Variants in WWOX observed in about 807,000 individuals in gnomAD.
WWOX encodes the protein WW domain-containing oxidoreductase.
Under a neutral mutation model 46.2 loss-of-function variants are expected in WWOX, and 69 were observed. The ratio of observed to expected loss-of-function variants is 1.49; its 90% confidence interval spans 1.23 to 1.82. WWOX has a LOEUF of 1.82. WWOX is among the 40% of genes most tolerant of loss of function. WWOX has a pLI of 0.00. For synonymous variants in WWOX, 359 were observed against 202.6 expected (o/e 1.77, Z -6.56); for missense variants, 919 against 542.6 (o/e 1.69, Z -6.89).
chr16:78,600,022 C>A (rs2045583702), intron 8 of WWOX, among the ~76,000 whole-genome samples: 2 of 152,040 alleles, frequency 1.3e-5, no homozygotes. Flanking sequence ...GCTGGGGAGG[C>A]CTCACAACCA....
intron 5 of WWOX, among the ~76,000 whole-genome samples, chr16:78,251,668 A>T (rs28480650): frequency 0.11 from 17,063 of 152,206 alleles, 1,009 homozygotes; most frequent in Middle Eastern, 0.16. Flanking sequence ...CTGAACCCCG[A>T]TGCTTTGGGA....
At chr16:78,797,946 C>T (rs1005897751) in intron 8 of WWOX, among the ~76,000 whole-genome samples, 2 of 152,196 alleles carry the variant, frequency 1.3e-5, no homozygotes, top group African/African-American at 4.8e-5. Context: ...CATGGTCACA[C>T]CACTGCCCTC....
chr16:78,578,558 G>C (rs538882574), intron 8 of WWOX, among the ~76,000 whole-genome samples: 12 of 151,800 alleles, frequency 7.9e-5, no homozygotes, highest in Non-Finnish European at 1.3e-4. Context: ...AAAGTGCTGG[G>C]ATTACAGGCG....
intron 8 of WWOX, among the ~76,000 whole-genome samples, chr16:78,449,500 A>G (rs2083640717): frequency 6.6e-6 from 1 of 152,210 alleles, no homozygotes; most frequent in Non-Finnish European, 1.5e-5. Flanking sequence ...ACATTGTGGT[A>G]GATTTACTCA....
chr16:78,229,554 G>C (rs1208093484), intron 5 of WWOX, among the ~76,000 whole-genome samples: 1 of 149,680 alleles, frequency 6.7e-6, no homozygotes, highest in East Asian at 2.0e-4. Context: ...GAAATGGACT[G>C]TTTGCAACCT....
chr16:78,134,062 T>G (rs928447516), intron 4 of WWOX, among the ~76,000 whole-genome samples: 3 of 152,224 alleles, frequency 2.0e-5, no homozygotes, highest in Non-Finnish European at 2.9e-5. Context: ...CGGCTCTATG[T>G]GTCTGTGTTT....
chr16:79,070,573 G>A (rs145626406), intron 8 of WWOX, among the ~76,000 whole-genome samples: 1 of 152,206 alleles, frequency 6.6e-6, no homozygotes, highest in East Asian at 1.9e-4. Flanking sequence ...TGAGGCAGAC[G>A]GGCAGTCAGG....
intron 8 of WWOX, among the ~76,000 whole-genome samples, chr16:78,773,591 C>G (rs143913195): frequency 7.2e-5 from 11 of 152,244 alleles, no homozygotes; most frequent in Middle Eastern, 3.4e-3. Flanking sequence ...GCTCCGCACT[C>G]GTGGGTGGAA....
At chr16:78,445,237 T>G (rs1334598896) in intron 8 of WWOX, among the ~76,000 whole-genome samples, 1 of 152,130 alleles carries the variant, frequency 6.6e-6, no homozygotes, top group African/African-American at 2.4e-5. Context: ...CCATACCCCA[T>G]CTATTTCCAC....
intron 8 of WWOX, among the ~76,000 whole-genome samples, chr16:78,505,701 C>A (rs957670469): frequency 6.7e-6 from 1 of 150,186 alleles, no homozygotes; most frequent in Non-Finnish European, 1.5e-5. Context: ...CCATGCCTCT[C>A]TGCTCTCCCT....
At chr16:78,562,598 C>T (rs1409059917) in intron 8 of WWOX, among the ~76,000 whole-genome samples, 2 of 152,188 alleles carry the variant, frequency 1.3e-5, no homozygotes, top group African/African-American at 4.8e-5. Context: ...CTGGGCCTGT[C>T]ACTTACTCCC....
rs1341032217 is a variant in WWOX, at chr16:78,754,308, A to C, written c.1056+321556A>C. On this transcript the variant is annotated intron_variant, in intron 8 of 8. Coordinates refer to ENST00000566780, the MANE Select transcript of WWOX (RefSeq NM_016373.4). ...AATCAGTGAGTTTCAGGAAGAAGGC[A>C]TTCAGGCTGATTTCAGACAGCCTAA... Among the ~76,000 whole-genome samples the C allele has an allele frequency of 3.9e-5, 6 of 152,262 alleles. No homozygotes were observed. In the East Asian group the frequency reaches 1.2e-3, roughly 29 times the overall value.
At chr16:78,363,893 G>T (rs954150112) in intron 5 of WWOX, among the ~76,000 whole-genome samples, 1 of 152,196 alleles carries the variant, frequency 6.6e-6, no homozygotes, top group Admixed American at 6.5e-5. Context: ...GCCCAGCATG[G>T]AGACCCCAGG....
intron 8 of WWOX, among the ~76,000 whole-genome samples, chr16:78,725,665 G>T (rs760273891): frequency 6.6e-6 from 1 of 151,942 alleles, no homozygotes; most frequent in Non-Finnish European, 1.5e-5. Flanking sequence ...TGGTTTCTTA[G>T]GGTTGGATGG....
chr16:78,724,245 C>T (rs558751997), intron 8 of WWOX, among the ~76,000 whole-genome samples: 1 of 152,252 alleles, frequency 6.6e-6, no homozygotes, highest in African/African-American at 2.4e-5. Context: ...CTTCTAGGGC[C>T]TCTGGTTACC....
intron 8 of WWOX, among the ~76,000 whole-genome samples, chr16:78,644,741 G>A (rs2046800209): frequency 6.6e-6 from 1 of 152,198 alleles, no homozygotes; most frequent in Non-Finnish European, 1.5e-5. Flanking sequence ...GGGATTACAG[G>A]CGTGAGCCAC....
chr16:78,365,988 G>C (rs1038130386), intron 5 of WWOX, among the ~76,000 whole-genome samples: 1 of 152,206 alleles, frequency 6.6e-6, no homozygotes, highest in African/African-American at 2.4e-5. Flanking sequence ...TGGGGCTTGT[G>C]ATTTGAAGCT....
At chr16:78,976,955 C>T (rs1239140204) in intron 8 of WWOX, among the ~76,000 whole-genome samples, 3 of 152,148 alleles carry the variant, frequency 2.0e-5, no homozygotes, top group African/African-American at 7.2e-5. Context: ...TTAGATTTGA[C>T]ACCTCTTTTT....
chr16:78,783,607 T>C (rs948115216), intron 8 of WWOX, among the ~76,000 whole-genome samples: 3 of 152,188 alleles, frequency 2.0e-5, no homozygotes, highest in Non-Finnish European at 4.4e-5. Context: ...GAAGGAGTAA[T>C]ATTTGTGTGG....
Sources: gnomAD v4.1 joint callset for allele counts (sites outside exome capture counted in the v4.1 genomes callset) on GRCh38, gnomAD v4.1.1 for gene constraint, MANE v1.5 for transcripts, NCBI Gene and HGNC (gene_info 2026-07-23, HGNC 2026-07-21) for gene names.